The following CNTNAP4 variants were observed in gnomAD, a reference collection of about 807,000 sequenced individuals.
The protein encoded by CNTNAP4 is contactin associated protein family member 4, also known as contactin-associated protein-like 4.
Under a neutral mutation model 148.4 loss-of-function variants are expected in CNTNAP4, and 98 were observed. The observed-to-expected ratio is 0.66, with a 90% CI of 0.56 to 0.78. The LOEUF is 0.78. CNTNAP4 is among the 30% of genes least tolerant of loss of function. The pLI is 0.00. For missense variants in CNTNAP4, 1,935 were observed against 1,565.6 expected, an observed-to-expected ratio of 1.24 and a Z score of -3.98; for synonymous variants, 730 against 565.1, an observed-to-expected ratio of 1.29 and a Z score of -4.14.
intron 2 of CNTNAP4, among the ~76,000 whole-genome samples, chr16:76,320,613 T>C (rs1437588678): frequency 6.6e-6 from 1 of 152,166 alleles, no homozygotes; most frequent in African/African-American, 2.4e-5. Context: ...AGTTTCAGTA[T>C]AGCTTAAATT....
At chr16:76,482,263 G>A (rs2081861679) in intron 12 of CNTNAP4, among the ~76,000 whole-genome samples, 1 of 152,072 alleles carries the variant, frequency 6.6e-6, no homozygotes, top group African/African-American at 2.4e-5. Context: ...TGTAGATGGA[G>A]GAAAGGTGTT....
chr16:76,325,039 C>A (rs1185311096), intron 2 of CNTNAP4, among the ~76,000 whole-genome samples: 1 of 152,100 alleles, frequency 6.6e-6, no homozygotes, highest in Non-Finnish European at 1.5e-5. Flanking sequence ...GACAGCCAGC[C>A]CTCGGGGGCA....
chr16:76,494,470 A>G (rs2082332180), intron 13 of CNTNAP4, among the ~76,000 whole-genome samples: 1 of 152,218 alleles, frequency 6.6e-6, no homozygotes, highest in African/African-American at 2.4e-5. Context: ...GAGATAAATC[A>G]GGGACTTTAC....
chr16:76,363,160 CTT>C (rs34005199), intron 3 of CNTNAP4, among the ~76,000 whole-genome samples: 21 of 137,408 alleles, frequency 1.5e-4, no homozygotes, highest in Non-Finnish European at 1.4e-4. Context: ...AAACCCTTAT[CTT>C]TTTTTTTTTT....
At chr16:76,456,278 A>T (rs1309745831) in intron 8 of CNTNAP4, among the ~76,000 whole-genome samples, 1 of 152,234 alleles carries the variant, frequency 6.6e-6, no homozygotes, top group East Asian at 1.9e-4. Context: ...GTGTTAGCTG[A>T]TTTGAGGGAG....
At chr16:76,386,376 A>G (rs889966321) in intron 3 of CNTNAP4, among the ~76,000 whole-genome samples, 3 of 152,210 alleles carry the variant, frequency 2.0e-5, no homozygotes, top group Admixed American at 6.5e-5. Context: ...TCAGTGGTAC[A>G]CATTTTTTAA....
At chr16:76,558,234 G>A (rs1236080056) in intron 23 of CNTNAP4, 1 of 349,778 alleles carries the variant, frequency 2.9e-6, no homozygotes, top group Non-Finnish European at 5.1e-6. Flanking sequence ...AAATATAAAT[G>A]CACCAAGTAA....
chr16:76,291,807 G>A (rs1404764740), intron 1 of CNTNAP4, among the ~76,000 whole-genome samples: 1 of 152,150 alleles, frequency 6.6e-6, no homozygotes, highest in Admixed American at 6.6e-5. Context: ...AAATTTGTAG[G>A]ATGCCCTCCA....
chr16:76,522,827 A>G (rs1194289164), intron 17 of CNTNAP4, among the ~76,000 whole-genome samples: 1 of 149,506 alleles, frequency 6.7e-6, no homozygotes, highest in African/African-American at 2.5e-5. Flanking sequence ...CAATAGTGCG[A>G]TCTCGGCTCA....
chr16:76,497,513 C>T (rs1463471173), intron 14 of CNTNAP4, among the ~76,000 whole-genome samples: 1 of 151,524 alleles, frequency 6.6e-6, no homozygotes, highest in Non-Finnish European at 1.5e-5. Context: ...TGGGGGGCAG[C>T]CATAAAAAAG....
chr16:76,475,837 G>C, intron 10 of CNTNAP4, 102 bp from the exon 11 acceptor site: 1 of 720,868 alleles, frequency 1.4e-6, no homozygotes, highest in Non-Finnish European at 2.4e-6. Flanking sequence ...TAGTCATTAT[G>C]TTATAGTTGA....
At chr16:76,375,322 T>A (rs577884652) in intron 3 of CNTNAP4, among the ~76,000 whole-genome samples, 3 of 152,076 alleles carry the variant, frequency 2.0e-5, no homozygotes, top group Non-Finnish European at 1.5e-5. Context: ...CTGGGGAGGC[T>A]GAGGCAAGAG....
intron 2 of CNTNAP4, among the ~76,000 whole-genome samples, chr16:76,346,432 T>TAAAAAAAA (rs59482710): frequency 8.1e-6 from 1 of 123,768 alleles, no homozygotes; most frequent in Non-Finnish European, 1.7e-5. Context: ...CTAGGGAAGA[T>TAAAAAAAA]AAAAAAAAAA....
At chr16:76,299,391 A>G (rs573343214) in intron 1 of CNTNAP4, among the ~76,000 whole-genome samples, 2 of 152,360 alleles carry the variant, frequency 1.3e-5, no homozygotes, top group Admixed American at 6.5e-5. Flanking sequence ...GACACATGAA[A>G]AAATGCTCAT....
chr16:76,336,706 G>A (rs1444160937), intron 2 of CNTNAP4, among the ~76,000 whole-genome samples: 1 of 152,174 alleles, frequency 6.6e-6, no homozygotes, highest in South Asian at 2.1e-4. Context: ...TCCAGATGGT[G>A]TACAGCAACT....
intron 2 of CNTNAP4, among the ~76,000 whole-genome samples, chr16:76,335,217 A>G (rs1279903497): frequency 6.6e-6 from 1 of 152,154 alleles, no homozygotes; most frequent in African/African-American, 2.4e-5. Flanking sequence ...ACATTTCTGC[A>G]AGGAAGGATG....
At chr16:76,538,421 G>T in intron 19 of CNTNAP4, 81 bp downstream of exon 19, 1 of 1,059,706 alleles carries the variant, frequency 9.4e-7, no homozygotes, top group Non-Finnish European at 1.4e-6. Flanking sequence ...TCGTGTTCTG[G>T]CTTCTCAAGC....
chr16:76,449,652 ATAAT>A (rs2080379799), intron 6 of CNTNAP4, 59 bp from the exon 7 acceptor site: 7 of 1,366,770 alleles, frequency 5.1e-6, no homozygotes, highest in African/African-American at 1.5e-5. Context: ...CTTGCTAATC[ATAAT>A]TAAGCAGATT....
At chr16:76,309,874 A>G (rs765104485) in intron 1 of CNTNAP4, 7 of 701,500 alleles carry the variant, frequency 1.0e-5, no homozygotes, top group Non-Finnish European at 1.3e-5. Flanking sequence ...TGCAGCCGCC[A>G]TGATTCTGAG....
Sources: gnomAD v4.1 joint callset for allele counts (sites outside exome capture counted in the v4.1 genomes callset) on GRCh38, gnomAD v4.1.1 for gene constraint, MANE v1.5 for transcripts, NCBI Gene and HGNC (gene_info 2026-07-23, HGNC 2026-07-21) for gene names.